The following ADI1 variants were observed in gnomAD, a reference collection of about 807,000 sequenced individuals.
ADI1 encodes acireductone dioxygenase 1.
In ADI1, 21 loss-of-function variants were observed where a neutral mutation model predicts 18.7. The observed-to-expected ratio is 1.13, with a 90% CI of 0.80 to 1.62. The LOEUF is 1.62. ADI1 is among the 40% of genes most tolerant of loss of function. The pLI is 0.00. For synonymous variants in ADI1, 90 were observed against 100.1 expected (o/e 0.90, Z 0.60); for missense variants, 245 against 254.9 (o/e 0.96, Z 0.26).
chr2:3,519,273 C>T (rs1667504076), intron 1 of ADI1, 95 bp downstream of exon 1: 1 of 1,308,542 alleles, frequency 7.6e-7, no homozygotes, highest in South Asian at 2.0e-5. Context: ...CCGCGGCTCC[C>T]AGGCCGCTGC....
chr2:3,506,448 T>C (rs974444331), intron 2 of ADI1, among the ~76,000 whole-genome samples: 72 of 152,152 alleles, frequency 4.7e-4, no homozygotes, highest in African/African-American at 1.7e-3. Flanking sequence ...CAAAACCATA[T>C]ACATTTGCAC....
At position 3,519,291 on chromosome 2, in the gene ADI1, C is replaced by T. The variant is rs577344646; in HGVS notation, c.120+77G>A. 1.5e-5 allele frequency: 20 copies of T among 1,316,848 alleles called. No homozygotes were observed. In the African/African-American group the frequency reaches 2.8e-4, roughly 18 times the overall value. 81.6% of individuals were successfully genotyped at this position (1,316,848 alleles called of 1,614,324 possible). On this transcript the variant is annotated intron_variant, in intron 1 of 3. Coordinates refer to ENST00000327435, the MANE Select transcript of ADI1 (RefSeq NM_018269.4). ...CGGCTCCCAGGCCGCTGCCCGGCAC[C>T]TGGAGGAGGCTGGGCTGTGCGCGGC...
At chr2:3,518,068 A>G (rs987878155) in intron 1 of ADI1, among the ~76,000 whole-genome samples, 2 of 152,160 alleles carry the variant, frequency 1.3e-5, no homozygotes, top group African/African-American at 4.8e-5. Context: ...AATAAGTCAA[A>G]ATTTATTCTC....
rs373001755 is a variant in ADI1 at position 3,499,344 on chromosome 2, GCT to G, written c.421-264_421-263del. ...TTGGTGTTGAACTCCGCACCTCCGT[GCT>G]CTCTATAGAGACACACAGTCAGGAA... is the stretch of plus-strand genomic sequence containing the variant. On this transcript the variant is annotated intron_variant, in intron 3 of 3. Coordinates refer to ENST00000327435, the MANE Select transcript of ADI1 (RefSeq NM_018269.4). Among the ~76,000 whole-genome samples the G allele has an allele frequency of 3.5e-3, 529 of 152,228 alleles. 2 individuals are homozygous for G. The highest frequency in any genetic ancestry group is 0.012 in the African/African-American group (506 of 41,530).
chr2:3,504,135 G>A (rs1018547008), intron 2 of ADI1, among the ~76,000 whole-genome samples: 10 of 152,282 alleles, frequency 6.6e-5, no homozygotes, highest in Non-Finnish European at 1.0e-4. Context: ...GAGACTTGAC[G>A]GACGCCGATT....
intron 2 of ADI1, among the ~76,000 whole-genome samples, chr2:3,509,606 A>G (rs943295380): frequency 5.3e-5 from 8 of 152,230 alleles, no homozygotes; most frequent in Non-Finnish European, 1.2e-4. Context: ...AAAATTAAAA[A>G]GTAAATTAAT....
intron 3 of ADI1, chr2:3,500,500 C>CAACCCTAG: frequency 3.5e-6 from 1 of 282,434 alleles, no homozygotes. Flanking sequence ...AGGGCTGGGG[C>CAACCCTAG]AGGGCCAGGC....
rs531723528 is a variant in ADI1 at position 3,514,167 on chromosome 2, C to T, written c.121-191G>A. Among the ~76,000 whole-genome samples, 135 of 152,330 alleles carry T rather than the reference C, an allele frequency of 8.9e-4. 3 individuals carry two copies. Among genetic ancestry groups the T allele is most frequent in the Admixed American group, 1.1e-3 (17 of 15,306 alleles). On this transcript the variant is annotated intron_variant, in intron 1 of 3. Transcript: ENST00000327435. ...TCCATTCTCCAAAACACCAGCTATA[C>T]ATACAATGGAGTTCTGTTTGATTTC...
In ADI1 at chr2:3,501,105, CT is replaced by C. The variant is rs1364286155; in HGVS notation, c.241-113del. On this transcript the variant is annotated intron_variant, in intron 2 of 3. Coordinates refer to ENST00000327435, the MANE Select transcript of ADI1 (RefSeq NM_018269.4). Reference sequence around the variant, plus strand: ...TGGGCCAGAGCTGAGGTGAATGGGACTTCTCTCCATAAAAATGAAACTACAC... The same window carrying C: ...TGGGCCAGAGCTGAGGTGAATGGGACTCTCTCCATAAAAATGAAACTACAC... 3.5e-6 allele frequency: 3 copies of C among 851,892 alleles called. No individual in the cohort carries two copies. The East Asian group carries it at 8.3e-5, about 24-fold the overall frequency. The allele number at this position is 851,892 out of a possible 1,614,324, so 52.8% of individuals were successfully genotyped here.
At chr2:3,510,179 G>GT (rs1395558090) in intron 2 of ADI1, among the ~76,000 whole-genome samples, 2 of 151,712 alleles carry the variant, frequency 1.3e-5, no homozygotes, top group Non-Finnish European at 2.9e-5. Flanking sequence ...GCCTGGCATG[G>GT]TGGCACATAC....
chr2:3,507,021 C>T (rs371549867), intron 2 of ADI1, among the ~76,000 whole-genome samples: 28 of 152,244 alleles, frequency 1.8e-4, no homozygotes, highest in African/African-American at 6.7e-4. Flanking sequence ...TTCCATAGAG[C>T]CCTTTGTATT....
chr2:3,507,648 T>A (rs1667203411), intron 2 of ADI1, among the ~76,000 whole-genome samples: 2 of 152,150 alleles, frequency 1.3e-5, no homozygotes, highest in Non-Finnish European at 2.9e-5. Flanking sequence ...TGCAAATAAA[T>A]GTTTACAGAA....
intron 2 of ADI1, among the ~76,000 whole-genome samples, chr2:3,509,399 T>C (rs1256962306): frequency 6.6e-6 from 1 of 152,150 alleles, no homozygotes; most frequent in East Asian, 1.9e-4. Context: ...ACATGAAACA[T>C]TCACCAAGAC....
In ADI1 at chr2:3,498,891, GTGAT is replaced by G. The variant is rs1666924371; in HGVS notation, c.*68_*71del. 1 of 1,527,504 alleles carries G rather than the reference GTGAT, an allele frequency of 6.5e-7. No individual in the cohort carries two copies. The highest frequency in any genetic ancestry group is 1.4e-5 in the African/African-American group (1 of 72,526). 94.6% of individuals were successfully genotyped at this position (1,527,504 alleles called of 1,614,324 possible). On this transcript the variant is annotated 3_prime_UTR_variant, in exon 4 of 4. Coordinates refer to ENST00000327435, the MANE Select transcript of ADI1 (RefSeq NM_018269.4). Reference sequence around the variant, plus strand: ...GCTATCCTCTAAAAGCAAAGAGAAAGTGATTGATTTTCTGCTCAGTCATTACATT... The same window carrying G: ...GCTATCCTCTAAAAGCAAAGAGAAAGTGATTTTCTGCTCAGTCATTACATT...
intron 2 of ADI1, among the ~76,000 whole-genome samples, chr2:3,512,255 A>G (rs1667307576): frequency 1.3e-5 from 2 of 152,260 alleles, no homozygotes; most frequent in South Asian, 2.1e-4. Context: ...ACAATGGGGA[A>G]AAAACCTCAA....
At chr2:3,516,109 GA>G (rs1234618523) in intron 1 of ADI1, 1 of 942,456 alleles carries the variant, frequency 1.1e-6, no homozygotes, top group African/African-American at 1.8e-5. Flanking sequence ...ACACAAATGT[GA>G]TAGTATTAAG....
At chr2:3,517,744 C>CA (rs1275915504) in intron 1 of ADI1, 1 of 144,564 alleles carries the variant, frequency 6.9e-6, no homozygotes, top group African/African-American at 2.6e-5. Flanking sequence ...CCAGCCTGGG[C>CA]AAAAAGAGCA....
chr2:3,516,424 G>A (rs975033970), intron 1 of ADI1: 1 of 147,498 alleles, frequency 6.8e-6, no homozygotes, highest in Non-Finnish European at 1.5e-5. Flanking sequence ...AGAGGTTGCA[G>A]TGAGCCAAGA....
chr2:3,504,849 T>TTCACCTGCGTATGTCTGCATTGTC, intron 2 of ADI1, among the ~76,000 whole-genome samples: 1 of 151,118 alleles, frequency 6.6e-6, no homozygotes, highest in Non-Finnish European at 1.5e-5. Context: ...TCTGCATTGT[T>TTCACCTGCGTATGTCTGCATTGTC]GGTTCACCTG....
Sources: allele counts gnomAD v4.1 joint callset (sites outside exome capture counted in the v4.1 genomes callset), GRCh38; gene constraint gnomAD v4.1.1; transcripts MANE v1.5; gene names NCBI Gene and HGNC (gene_info 2026-07-23, HGNC 2026-07-21).